The following VPS13D variants were observed in gnomAD, a reference collection of about 807,000 sequenced individuals.
The protein encoded by VPS13D is vacuolar protein sorting 13 homolog D.
A neutral mutation model predicts 461.9 loss-of-function variants in VPS13D; 187 were observed. The observed-to-expected ratio is 0.40, with a 90% CI of 0.36 to 0.46. The LOEUF is 0.46. VPS13D is among the 20% of genes least tolerant of loss of function. The pLI is 0.60. For synonymous variants in VPS13D, 1,951 were observed against 1,986.3 expected (o/e 0.98, Z 0.47); for missense variants, 4,711 against 5,364.9 (o/e 0.88, Z 3.81).
intron 13 of VPS13D, among the ~76,000 whole-genome samples, chr1:12,266,470 A>C (rs1193880957): frequency 6.6e-6 from 1 of 152,278 alleles, no homozygotes; most frequent in East Asian, 1.9e-4. Context: ...AAGGCCTTCC[A>C]TCAGCAAAAA....
Position 12,279,836 on chromosome 1 carries a change from C to T in VPS13D, c.4602+186C>T, listed in dbSNP as rs918325185. Among the ~76,000 whole-genome samples, 1 of 152,048 alleles carries T rather than the reference C, an allele frequency of 6.6e-6. No individual in the cohort carries two copies. Among genetic ancestry groups the T allele is most frequent in the South Asian group, 2.1e-4 (1 of 4,824 alleles). ...AATCCTTTTGTCATGGGGAATCCGT[C>T]TTGTCAGCCTTTTTCATATGGAGGA... On this transcript the variant is annotated intron_variant, in intron 20 of 69. Transcript: ENST00000620676. The surrounding 1 kb of genome is among the most constrained non-coding windows in gnomAD (Gnocchi z 4.3).
chr1:12,475,208 A>C (rs1475535617), intron 67 of VPS13D, among the ~76,000 whole-genome samples: 1 of 152,178 alleles, frequency 6.6e-6, no homozygotes, highest in Non-Finnish European at 1.5e-5. Context: ...AGGATTGCAA[A>C]TCACAAGAGC....
In VPS13D at chr1:12,352,413, G is replaced by A. The variant is rs573581434; in HGVS notation, c.9432-1561G>A. On this transcript the variant is annotated intron_variant, in intron 46 of 69. Transcript: ENST00000620676. Reference sequence around the variant, plus strand: ...ATCAACAATAAAAAGATAATAAAAAGAATAGACAAAAGAACGGACAATTTA... The same window carrying A: ...ATCAACAATAAAAAGATAATAAAAAAAATAGACAAAAGAACGGACAATTTA... Among the ~76,000 whole-genome samples the A allele has an allele frequency of 3.3e-5, 5 of 152,200 alleles. No homozygotes were observed. The East Asian group carries it at 9.6e-4, about 29-fold the overall frequency.
intron 52 of VPS13D, among the ~76,000 whole-genome samples, chr1:12,365,963 G>T (rs1644029278): frequency 6.6e-6 from 1 of 151,918 alleles, no homozygotes; most frequent in South Asian, 2.1e-4. Flanking sequence ...GAGTGCAGTG[G>T]TGCAATCATA....
chr1:12,362,915 C>T (rs1643972110), intron 51 of VPS13D, 65 bp downstream of exon 51: 1 of 1,604,998 alleles, frequency 6.2e-7, no homozygotes, highest in Non-Finnish European at 8.5e-7. Flanking sequence ...ATGTCATCTT[C>T]TGTGAAGACT....
intron 38 of VPS13D, among the ~76,000 whole-genome samples, chr1:12,335,386 C>A (rs1643426525): frequency 6.6e-6 from 1 of 152,156 alleles, no homozygotes; most frequent in Non-Finnish European, 1.5e-5. Context: ...ATTTTAGATT[C>A]AGCTTTTAAA....
chr1:12,491,364 C>G (rs1645878521), intron 67 of VPS13D, among the ~76,000 whole-genome samples: 1 of 151,766 alleles, frequency 6.6e-6, no homozygotes, highest in South Asian at 2.1e-4. Context: ...CCAAATTAAG[C>G]TGTGTAGGGG....
chr1:12,296,798 A>G (rs1305497335), intron 24 of VPS13D, among the ~76,000 whole-genome samples: 3 of 152,156 alleles, frequency 2.0e-5, no homozygotes, highest in African/African-American at 7.2e-5. Context: ...TGCATTTAAA[A>G]CAGTTATTTT....
intron 67 of VPS13D, among the ~76,000 whole-genome samples, chr1:12,475,077 C>T: frequency 6.6e-6 from 1 of 152,142 alleles, no homozygotes; most frequent in East Asian, 1.9e-4. Flanking sequence ...CAGCAGTTCA[C>T]ATTCATTCAG....
intron 35 of VPS13D, among the ~76,000 whole-genome samples, chr1:12,326,708 A>G (rs186064259): frequency 6.6e-6 from 1 of 151,818 alleles, no homozygotes; most frequent in Non-Finnish European, 1.5e-5. Flanking sequence ...CAGTGGTGCA[A>G]TCTTGGCTCC....
intron 67 of VPS13D, among the ~76,000 whole-genome samples, chr1:12,460,849 CT>C (rs1645402954): frequency 6.6e-6 from 1 of 152,116 alleles, no homozygotes; most frequent in Non-Finnish European, 1.5e-5. Context: ...AGAATCCCCA[CT>C]GTTGTTGTTC....
intron 19 of VPS13D, 69 bp downstream of exon 19, chr1:12,278,107 G>C: frequency 1.4e-6 from 2 of 1,445,334 alleles, no homozygotes; most frequent in Non-Finnish European, 1.9e-6. Flanking sequence ...AGTCCTTTGC[G>C]TAAAACAGCA....
chr1:12,344,445 T>C (rs1174079921), intron 42 of VPS13D, among the ~76,000 whole-genome samples: 1 of 152,160 alleles, frequency 6.6e-6, no homozygotes, highest in Non-Finnish European at 1.5e-5. Context: ...GGCACACATG[T>C]GCTTGGAAGC....
At chr1:12,346,807 T>C (rs1643686755) in intron 44 of VPS13D, among the ~76,000 whole-genome samples, 155 bp downstream of exon 44, 1 of 152,238 alleles carries the variant, frequency 6.6e-6, no homozygotes. Context: ...TTACCTTCCT[T>C]TTCCAAAAAC....
In VPS13D at chr1:12,332,619, G is replaced by C. The variant is rs1643359541; in HGVS notation, c.8288-607G>C. On this transcript the variant is annotated intron_variant, in intron 37 of 69. Transcript: ENST00000620676. Reference sequence around the variant, plus strand: ...TCAAGTGAATGGTCACCTGGAGTTGGGTGGGAGAGGGTTGGTGGGAAGGAG... The same window carrying C: ...TCAAGTGAATGGTCACCTGGAGTTGCGTGGGAGAGGGTTGGTGGGAAGGAG... 3.3e-5 allele frequency among the ~76,000 whole-genome samples: 5 copies of C among 152,176 alleles called. No homozygotes were observed. In the South Asian group the frequency reaches 1.0e-3, roughly 32 times the overall value.
Position 12,481,413 on chromosome 1 carries a change from A to G in VPS13D, c.12663-16087A>G, listed in dbSNP as rs192846454. ...ACTGGCTTCCACCAAGTTCTAACAC[A>G]TTTTATATATATCGATTTCCAGGCT... On this transcript the variant is annotated intron_variant, in intron 67 of 69. Transcript: ENST00000620676. 2.0e-5 allele frequency among the ~76,000 whole-genome samples: 3 copies of G among 152,282 alleles called. No individual in the cohort carries two copies. In the East Asian group the frequency reaches 5.8e-4, roughly 29 times the overall value.
rs1008412999 is a variant in VPS13D at position 12,479,520 on chromosome 1, A to T, written c.12663-17980A>T. 1.3e-5 allele frequency among the ~76,000 whole-genome samples: 2 copies of T among 152,172 alleles called. 1 individual carries two copies. The highest frequency in any genetic ancestry group is 4.1e-4 in the South Asian group (2 of 4,824). The stretch of plus-strand genomic sequence containing the variant: ...AGTATTCAGTCTTCACAACCACCCT[A>T]TGAGGTGGGTGCTATACTTTCCCCA... On this transcript the variant is annotated intron_variant, in intron 67 of 69. Coordinates refer to ENST00000620676, the MANE Select transcript of VPS13D (RefSeq NM_015378.4).
Position 12,354,191 on chromosome 1 carries a change from A to G in VPS13D, c.9649A>G (p.Thr3217Ala), listed in dbSNP as rs748426599. The change falls in exon 47 of 70, where the codon ACA (threonine) becomes GCA (alanine). Residue 3217 changes from threonine (T) to alanine (A), a missense_variant. This residue lies in a region of VPS13D where 4,411 missense variants were observed against 4,937.8 expected (regional missense o/e 0.89). Coordinates refer to ENST00000620676, the MANE Select transcript of VPS13D (RefSeq NM_015378.4). ...LKPGKEAALH[T>A]ADTSQNIELG... is the part of the protein sequence containing the mutation. ...ACCTGGCAAGGAGGCAGCTCTCCAT[A>G]CAGCTGATACATCCCAGAACATTGA... 1.9e-6 allele frequency: 3 copies of G among 1,614,086 alleles called. No individual in the cohort carries two copies. Among genetic ancestry groups the G allele is most frequent in the African/African-American group, 2.7e-5 (2 of 74,932 alleles).
At chr1:12,263,663 T>G (rs1641182834) in intron 13 of VPS13D, among the ~76,000 whole-genome samples, 1 of 152,254 alleles carries the variant, frequency 6.6e-6, no homozygotes, top group Non-Finnish European at 1.5e-5. Flanking sequence ...AAACAGCAGC[T>G]TATTTGAGAT....
Sources: allele counts gnomAD v4.1 joint callset (sites outside exome capture counted in the v4.1 genomes callset), GRCh38; gene constraint gnomAD v4.1.1; regional missense constraint gnomAD v4.1.1; non-coding constraint Gnocchi (gnomAD v3.1); transcripts MANE v1.5; gene names NCBI Gene and HGNC (gene_info 2026-07-23, HGNC 2026-07-21).